The following ADGRB1 variants were observed in gnomAD, a reference collection of about 807,000 sequenced individuals.
ADGRB1 encodes the protein adhesion G protein-coupled receptor B1.
ADGRB1 carries 36 observed loss-of-function variants against 175.7 expected under a neutral mutation model. That is an observed-to-expected ratio of 0.20 (90% CI 0.16 to 0.27). The LOEUF is 0.27. Ranked by LOEUF, ADGRB1 falls within the 10% of genes least tolerant of loss-of-function variation. The pLI, the probability that ADGRB1 is intolerant of heterozygous loss-of-function variation, is 1.00. For synonymous variants in ADGRB1, 1,054 were observed against 979.4 expected (o/e 1.08, Z -1.42); for missense variants, 1,731 against 2,255.3 (o/e 0.77, Z 4.71).
Position 142,492,485 on chromosome 8 carries a change from G to T in ADGRB1, c.2675+1670G>T, listed in dbSNP as rs1365677447. Among the ~76,000 whole-genome samples the T allele has an allele frequency of 6.6e-6, 1 of 152,184 alleles. No homozygotes were observed. The highest frequency in any genetic ancestry group is 1.5e-5 in the Non-Finnish European group (1 of 68,028). ...AAGCAGGGTCATGCACGCCTCCGAG[G>T]GAAGGGGAGGTTTCGGCAGAGGCCT... On this transcript the variant is annotated intron_variant, in intron 17 of 30. Coordinates refer to ENST00000517894, the MANE Select transcript of ADGRB1 (RefSeq NM_001702.3). The surrounding 1 kb of genome is among the most constrained non-coding windows in gnomAD (Gnocchi z 4.4).
intron 16 of ADGRB1, 75 bp from the exon 17 acceptor site, chr8:142,490,696 TG>T: frequency 6.8e-7 from 1 of 1,473,260 alleles, no homozygotes; most frequent in Non-Finnish European, 9.3e-7. Flanking sequence ...CACCTTTAGG[TG>T]GGTCCCATGG....
chr8:142,459,874 C>T (rs777919951), intron 1 of ADGRB1, among the ~76,000 whole-genome samples: 1 of 152,224 alleles, frequency 6.6e-6, no homozygotes, highest in East Asian at 1.9e-4. Context: ...AGACACTACA[C>T]AGGCCCGCCC....
intron 18 of ADGRB1, among the ~76,000 whole-genome samples, chr8:142,515,959 C>G (rs1405407408): frequency 6.6e-6 from 1 of 152,202 alleles, no homozygotes. Context: ...TGGGGTAGTT[C>G]GAGGGGCCTG....
chr8:142,524,209 G>C, intron 22 of ADGRB1, 29 bp from the exon 23 acceptor site: 1 of 1,590,250 alleles, frequency 6.3e-7, no homozygotes, highest in Non-Finnish European at 8.5e-7. Context: ...CTGCACACGG[G>C]CGGTGCTGAT....
chr8:142,533,267 C>T (rs751292132), intron 24 of ADGRB1, 28 bp from the exon 25 acceptor site: 132 of 1,476,972 alleles, frequency 8.9e-5, no homozygotes, highest in Non-Finnish European at 1.2e-4. Context: ...GGGGCGGGGG[C>T]GGCAGCGCTG....
chr8:142,517,623 G>C (rs573273321), intron 18 of ADGRB1, among the ~76,000 whole-genome samples: 47 of 152,248 alleles, frequency 3.1e-4, no homozygotes, highest in African/African-American at 1.1e-3. Context: ...GAAGCTGGTC[G>C]GGATGTGTCC....
chr8:142,478,077 C>G, intron 6 of ADGRB1, 110 bp from the exon 7 acceptor site: 1 of 1,437,132 alleles, frequency 7.0e-7, no homozygotes, highest in Non-Finnish European at 9.5e-7. Flanking sequence ...TCATCTATGT[C>G]CCAGGCTGGG....
At chr8:142,491,263 G>C (rs1481943521) in intron 17 of ADGRB1, among the ~76,000 whole-genome samples, 1 of 152,290 alleles carries the variant, frequency 6.6e-6, no homozygotes, top group African/African-American at 2.4e-5. Context: ...TGGGCCCCTG[G>C]GGTCTTCAGT....
chr8:142,528,273 A>G (rs1405429427), intron 24 of ADGRB1, among the ~76,000 whole-genome samples: 2 of 152,206 alleles, frequency 1.3e-5, no homozygotes, highest in East Asian at 3.8e-4. Context: ...CGCTTTGTGC[A>G]GACGGAGGCA....
chr8:142,518,364 C>A, intron 19 of ADGRB1, 123 bp downstream of exon 19: 2 of 1,021,862 alleles, frequency 2.0e-6, no homozygotes, highest in Non-Finnish European at 2.9e-6. Flanking sequence ...CGTTCCCAGT[C>A]ACCTCCGCAT....
At chr8:142,509,209 A>G (rs1288931150) in intron 17 of ADGRB1, among the ~76,000 whole-genome samples, 1 of 152,190 alleles carries the variant, frequency 6.6e-6, no homozygotes, top group Non-Finnish European at 1.5e-5. Context: ...GCTATCAGAC[A>G]TGGGCACTGG....
chr8:142,498,805 G>A (rs566840152), intron 17 of ADGRB1, among the ~76,000 whole-genome samples: 1 of 152,126 alleles, frequency 6.6e-6, no homozygotes, highest in African/African-American at 2.4e-5. Flanking sequence ...TTCTTCTATA[G>A]AAAGTCTGCC....
intron 20 of ADGRB1, 53 bp downstream of exon 20, chr8:142,520,978 G>A (rs1843805514): frequency 1.3e-6 from 2 of 1,540,850 alleles, no homozygotes. Context: ...GGGTGGTGAG[G>A]ATGGACCCCA....
Position 142,464,301 on chromosome 8 carries a change from G to A in ADGRB1, c.103G>A (p.Asp35Asn). The A allele has an allele frequency of 1.4e-6, 2 of 1,396,760 alleles. No homozygotes were observed. The highest frequency in any genetic ancestry group is 1.5e-5 in the African/African-American group (1 of 65,972). The allele number at this position is 1,396,760 out of a possible 1,614,324, so 86.5% of individuals were successfully genotyped here. A position where few individuals can be genotyped will look rare whatever the true frequency, so the allele number is the denominator to read the frequency against. Residue 35 changes from aspartate (D) to asparagine (N), a missense_variant, in exon 2 of 31, where the codon GAC becomes AAC. Around this residue, in one of 8 missense-constraint regions of ADGRB1, gnomAD observed 383 missense variants for 383.1 expected, o/e 1.00. Coordinates refer to ENST00000517894, the MANE Select transcript of ADGRB1 (RefSeq NM_001702.3). Reference protein sequence around the residue: ...GRRARAAAGADAGPGPEPCAT... With the variant: ...GRRARAAAGANAGPGPEPCAT... The stretch of plus-strand genomic sequence containing the variant: ...CCGCGCGCGGGCGGCCGCCGGAGCA[G>A]ACGCGGGGCCCGGGCCCGAGCCGTG...
chr8:142,505,924 A>G (rs1050694018), intron 17 of ADGRB1, among the ~76,000 whole-genome samples: 3 of 152,002 alleles, frequency 2.0e-5, no homozygotes, highest in Non-Finnish European at 4.4e-5. Context: ...GGGGAGGTGA[A>G]GCGGGGACCC....
Position 142,543,820 on chromosome 8 carries a change from G to T in ADGRB1, c.4557+112G>T, listed in dbSNP as rs971471544. The T allele has an allele frequency of 2.8e-6, 3 of 1,087,204 alleles. No homozygotes were observed. Among genetic ancestry groups the T allele is most frequent in the East Asian group, 5.2e-5 (2 of 38,390 alleles). 67.3% of individuals were successfully genotyped at this position (1,087,204 alleles called of 1,614,324 possible). A position where few individuals can be genotyped will look rare whatever the true frequency, so the allele number is the denominator to read the frequency against. The stretch of plus-strand genomic sequence containing the variant: ...CATCCATCCATCCATCCATCCATTC[G>T]TTCATTCATTCATTCATTCGCCCAT... On this transcript the variant is annotated intron_variant, in intron 30 of 30. Transcript: ENST00000517894. The surrounding 1 kb of genome is among the most constrained non-coding windows in gnomAD (Gnocchi z 4.4).
intron 2 of ADGRB1, among the ~76,000 whole-genome samples, chr8:142,471,291 C>T (rs574281491): frequency 6.6e-5 from 10 of 152,228 alleles, no homozygotes; most frequent in Non-Finnish European, 1.3e-4. Context: ...AGAGCCAGAA[C>T]GCACCCCACG....
intron 13 of ADGRB1, among the ~76,000 whole-genome samples, chr8:142,485,310 T>C (rs544759197): frequency 6.6e-6 from 1 of 152,338 alleles, no homozygotes; most frequent in East Asian, 1.9e-4. Context: ...AGCAATTCTA[T>C]TTAATGACTG....
rs769995094 is a variant in ADGRB1, at chr8:142,489,094, T to G, written c.2512T>G (p.Phe838Val). 21 of 1,608,730 alleles carry G rather than the reference T, an allele frequency of 1.3e-5. No homozygotes were observed. In the South Asian group the frequency reaches 2.2e-4, roughly 17 times the overall value. Residue 838 changes from phenylalanine (F) to valine (V), a missense_variant, in exon 15 of 31, where the codon TTC becomes GTC. This residue lies in a region of ADGRB1 where 388 missense variants were observed against 630.9 expected (regional missense o/e 0.61). Coordinates refer to ENST00000517894, the MANE Select transcript of ADGRB1 (RefSeq NM_001702.3). ...CGTGCTCTACAGGAACCTGGGCAGC[T>G]TCCTGGCCCTGCAGAGGTGGGGAGC... ...GTVLYRNLGS[F>V]LALQRNTTVL...
Sources: gnomAD v4.1 joint callset for allele counts (sites outside exome capture counted in the v4.1 genomes callset) on GRCh38, gnomAD v4.1.1 for gene constraint, gnomAD v4.1.1 regional missense constraint, Gnocchi (gnomAD v3.1) non-coding constraint, MANE v1.5 for transcripts, NCBI Gene and HGNC (gene_info 2026-07-23, HGNC 2026-07-21) for gene names.